The following ADGRB1 variants were observed in gnomAD, a reference collection of about 807,000 sequenced individuals.
ADGRB1 encodes adhesion G protein-coupled receptor B1.
In ADGRB1, 36 loss-of-function variants were observed where a neutral mutation model predicts 175.7. That is an observed-to-expected ratio of 0.20 (90% confidence interval 0.16 to 0.27). The LOEUF (loss-of-function observed/expected upper bound fraction) is 0.27, where lower values mean the gene tolerates loss of function less well. Ranked by LOEUF, ADGRB1 falls within the 10% of genes least tolerant of loss-of-function variation. The pLI is 1.00. For missense variants in ADGRB1, 1,731 were observed against 2,255.3 expected (o/e 0.77, Z 4.71); for synonymous variants, 1,054 against 979.4 (o/e 1.08, Z -1.42).
chr8:142,488,643 C>G lies in ADGRB1; in HGVS notation c.2452+136C>G. ...CAAGGGGGTCCTCTTTTCCAGGAAG[C>G]CCTCCTTGCCCTCTCTGGGGCCAGG... is the stretch of plus-strand genomic sequence containing the variant. On this transcript the variant is annotated intron_variant, in intron 14 of 30. Transcript: ENST00000517894. 3 of 1,197,376 alleles carry G rather than the reference C, an allele frequency of 2.5e-6. No homozygotes were observed. In the South Asian group the frequency reaches 4.8e-5, roughly 19 times the overall value. The allele number at this position is 1,197,376 out of a possible 1,614,324, so 74.2% of individuals were successfully genotyped here. A position where few individuals can be genotyped will look rare whatever the true frequency, so the allele number is the denominator to read the frequency against.
chr8:142,467,730 C>T (rs936147542), intron 2 of ADGRB1, among the ~76,000 whole-genome samples: 3 of 152,206 alleles, frequency 2.0e-5, no homozygotes, highest in Non-Finnish European at 2.9e-5. Flanking sequence ...CAGCCTGACC[C>T]GGCTTGCCGT....
chr8:142,456,376 CA>C (rs1839684293), intron 1 of ADGRB1, among the ~76,000 whole-genome samples: 1 of 152,116 alleles, frequency 6.6e-6, no homozygotes, highest in Non-Finnish European at 1.5e-5. Context: ...GAACAGTGTG[CA>C]CACACACTTG....
At chr8:142,458,146 G>C (rs904295085) in intron 1 of ADGRB1, among the ~76,000 whole-genome samples, 2 of 152,178 alleles carry the variant, frequency 1.3e-5, no homozygotes, top group African/African-American at 2.4e-5. Flanking sequence ...CAGGAGGCCT[G>C]GGCCCAGGGT....
chr8:142,464,222 G>A lies in ADGRB1; in HGVS notation c.24G>A (p.Pro8=), dbSNP rs1334799385. Residue 8 remains proline (P), a synonymous_variant, in exon 2 of 31, where the codon CCG becomes CCA. Transcript: ENST00000517894. MRGQAAA[P]GPVWILAPLL... is the part of the protein sequence containing the mutation. The stretch of plus-strand genomic sequence containing the variant: ...GGATGAGGGGCCAGGCCGCCGCCCC[G>A]GGCCCCGTCTGGATCCTCGCCCCGC... 9 of 1,302,098 alleles carry A rather than the reference G, an allele frequency of 6.9e-6. No homozygotes were observed. In the African/African-American group the frequency reaches 7.8e-5, roughly 11 times the overall value. 80.7% of individuals were successfully genotyped at this position (1,302,098 alleles called of 1,614,324 possible).
intron 3 of ADGRB1, among the ~76,000 whole-genome samples, 174 bp downstream of exon 3, chr8:142,475,809 C>T (rs1179580951): frequency 1.5e-5 from 1 of 65,038 alleles, no homozygotes; most frequent in Non-Finnish European, 3.4e-5. Flanking sequence ...GGGGCGGGGC[C>T]GGGGCCGGGG....
At chr8:142,524,896 T>A (rs1438219063) in intron 23 of ADGRB1, among the ~76,000 whole-genome samples, 1 of 151,780 alleles carries the variant, frequency 6.6e-6, no homozygotes, top group Non-Finnish European at 1.5e-5. Flanking sequence ...CCGCCTGGGG[T>A]CACTGGCCTC....
intron 2 of ADGRB1, among the ~76,000 whole-genome samples, chr8:142,465,864 G>A (rs994453161): frequency 1.1e-4 from 16 of 152,298 alleles, no homozygotes; most frequent in Admixed American, 2.6e-4. Flanking sequence ...CTTTGTGCCC[G>A]GAGAGCACAG....
At chr8:142,539,132 A>G (rs1845112222) in intron 26 of ADGRB1, among the ~76,000 whole-genome samples, 1 of 152,184 alleles carries the variant, frequency 6.6e-6, no homozygotes, top group Admixed American at 6.5e-5. Flanking sequence ...TTATACACAG[A>G]CATATCCACA....
chr8:142,457,753 C>T (rs1839760101), intron 1 of ADGRB1, among the ~76,000 whole-genome samples: 1 of 152,154 alleles, frequency 6.6e-6, no homozygotes, highest in Admixed American at 6.5e-5. Flanking sequence ...CTCGGCACCC[C>T]CTCCTCGACT....
chr8:142,466,947 C>T (rs1040903389), intron 2 of ADGRB1, among the ~76,000 whole-genome samples: 1 of 152,216 alleles, frequency 6.6e-6, no homozygotes, highest in African/African-American at 2.4e-5. Context: ...AGGGGCCCGG[C>T]CCAAGATTAC....
intron 18 of ADGRB1, among the ~76,000 whole-genome samples, chr8:142,517,838 G>T (rs551663046): frequency 6.6e-6 from 1 of 152,314 alleles, no homozygotes; most frequent in South Asian, 2.1e-4. Flanking sequence ...TGGAATTGAC[G>T]GGGTTCCGAG....
intron 27 of ADGRB1, among the ~76,000 whole-genome samples, chr8:142,541,275 CGGGGGCAAACTGGAG>C (rs1845256227): frequency 6.6e-6 from 1 of 151,992 alleles, no homozygotes; most frequent in Non-Finnish European, 1.5e-5. Flanking sequence ...GGCAGGAAGT[CGGGGGCAAACTGGAG>C]CCCCACTCAG....
intron 24 of ADGRB1, among the ~76,000 whole-genome samples, chr8:142,532,011 C>G (rs1193353879): frequency 6.6e-6 from 1 of 152,134 alleles, no homozygotes; most frequent in Non-Finnish European, 1.5e-5. Flanking sequence ...AGGCCCTTGT[C>G]CTGGCAGACT....
intron 19 of ADGRB1, among the ~76,000 whole-genome samples, chr8:142,519,609 ATGG>A (rs1314048766): frequency 5.4e-4 from 61 of 113,354 alleles, no homozygotes; most frequent in Non-Finnish European, 2.5e-4. Flanking sequence ...GATGGTAGTG[ATGG>A]TGGTGGTGAT....
In ADGRB1 at chr8:142,510,240, C is replaced by G. The variant is rs1035025494; in HGVS notation, c.2676-692C>G. 6.6e-6 allele frequency among the ~76,000 whole-genome samples: 1 copy of G among 152,066 alleles called. No homozygotes were observed. The highest frequency in any genetic ancestry group is 1.5e-5 in the Non-Finnish European group (1 of 67,974). On this transcript the variant is annotated intron_variant, in intron 17 of 30. Transcript: ENST00000517894. The surrounding 1 kb of genome is among the most constrained non-coding windows in gnomAD (Gnocchi z 6.3). The stretch of plus-strand genomic sequence containing the variant: ...GATGAAAAGCGGGGCAGTCGCGGCC[C>G]GTAGACAGCGGGCGGCTGGGTCAGA...
At chr8:142,519,962 G>C (rs1183204012) in intron 19 of ADGRB1, among the ~76,000 whole-genome samples, 1 of 149,190 alleles carries the variant, frequency 6.7e-6, no homozygotes, top group Admixed American at 6.7e-5. Flanking sequence ...GGTGGTGGTG[G>C]TGGTAGTGGT....
intron 2 of ADGRB1, 38 bp downstream of exon 2, chr8:142,465,020 T>TGGGCAGACAGGGGAGGC (rs540090324): frequency 4.7e-4 from 448 of 951,524 alleles, no homozygotes; most frequent in Middle Eastern, 2.6e-3. Flanking sequence ...ACAGGGGAGG[T>TGGGCAGACAGGGGAGGC]GGGCAGACAG....
In ADGRB1 at chr8:142,533,273, C is replaced by G. The variant is rs369086942; in HGVS notation, c.3399-22C>G. On this transcript the variant is annotated intron_variant, in intron 24 of 30. Coordinates refer to ENST00000517894, the MANE Select transcript of ADGRB1 (RefSeq NM_001702.3). Reference sequence around the variant, plus strand: ...CTGGGGGCAGGGGCGGGGGCGGCAGCGCTGACACCCTCCATCCCCAGGGCC... The same window carrying G: ...CTGGGGGCAGGGGCGGGGGCGGCAGGGCTGACACCCTCCATCCCCAGGGCC... 2.6e-3 allele frequency: 3,873 copies of G among 1,488,990 alleles called. 9 individuals carry two copies. The highest frequency in any genetic ancestry group is 3.2e-3 in the Non-Finnish European group (3,576 of 1,116,508). 92.2% of individuals were successfully genotyped at this position (1,488,990 alleles called of 1,614,324 possible).
intron 2 of ADGRB1, 45 bp from the exon 3 acceptor site, chr8:142,475,429 G>A (rs55875009): frequency 0.19 from 237,306 of 1,261,868 alleles, 23,215 homozygotes; most frequent in East Asian, 0.31. Flanking sequence ...TCCAGGCCAC[G>A]AGCCCCTGCC....
Sources: gnomAD v4.1 joint callset for allele counts (sites outside exome capture counted in the v4.1 genomes callset) on GRCh38, gnomAD v4.1.1 for gene constraint, Gnocchi (gnomAD v3.1) non-coding constraint, MANE v1.5 for transcripts, NCBI Gene and HGNC (gene_info 2026-07-23, HGNC 2026-07-21) for gene names.